PHGDH: variants seen among roughly 807,000 people sequenced by gnomAD.
The protein encoded by PHGDH is D-3-phosphoglycerate dehydrogenase.
Under a neutral mutation model 52.6 loss-of-function variants are expected in PHGDH, and 50 were observed. The ratio of observed to expected loss-of-function variants is 0.95; its 90% CI spans 0.76 to 1.20. The LOEUF (loss-of-function observed/expected upper bound fraction) is 1.20. Ranked by LOEUF, PHGDH falls within the 50% of genes most tolerant of loss-of-function variation. The pLI is 0.00. For missense variants in PHGDH, 630 were observed against 684.6 expected (o/e 0.92, Z 0.89); for synonymous variants, 271 against 280.5 (o/e 0.97, Z 0.34).
At chr1:119,740,883 G>A (rs1652173023) in intron 9 of PHGDH, among the ~76,000 whole-genome samples, 1 of 152,144 alleles carries the variant, frequency 6.6e-6, no homozygotes, top group South Asian at 2.1e-4. Context: ...TTTTGGCCCT[G>A]TCTCTTCCCT....
Position 119,743,902 on chromosome 1 carries a change from A to C in PHGDH, c.1464A>C (p.Ala488=). Reference sequence around the variant, plus strand: ...TATTTCCAGGCCTCCTGGCAGAGGCAGGCGTGCGGCTGCTGTCCTACCAGA... The same window carrying C: ...TATTTCCAGGCCTCCTGGCAGAGGCCGGCGTGCGGCTGCTGTCCTACCAGA... ...LPTMIGLLAE[A]GVRLLSYQTS... The change falls in exon 12 of 12, where the codon GCA becomes GCC. Residue 488 remains alanine (A), a synonymous_variant. Transcript: ENST00000641023. The C allele has an allele frequency of 2.5e-6, 4 of 1,613,920 alleles. No individual in the cohort carries two copies. Among genetic ancestry groups the C allele is most frequent in the Non-Finnish European group, 3.4e-6 (4 of 1,179,824 alleles).
At chr1:119,726,179 AGTGT>A (rs55671458) in intron 3 of PHGDH, among the ~76,000 whole-genome samples, 37,507 of 131,010 alleles carry the variant, frequency 0.29, 4,987 homozygotes, top group Middle Eastern at 0.33. Context: ...GGCTGTGAAG[AGTGT>A]GTGTGTGTGT....
intron 1 of PHGDH, among the ~76,000 whole-genome samples, chr1:119,718,935 G>C (rs749505670): frequency 4.3e-4 from 65 of 152,046 alleles, no homozygotes; most frequent in Non-Finnish European, 7.6e-4. Flanking sequence ...GGTGTAGGGA[G>C]AGTGACAGTT....
At chr1:119,742,640 A>G in intron 10 of PHGDH, 167 bp from the exon 11 acceptor site, 1 of 653,492 alleles carries the variant, frequency 1.5e-6, no homozygotes, top group Non-Finnish European at 2.8e-6. Flanking sequence ...CTGATGCCGA[A>G]GGGCACACAG....
At chr1:119,733,385 G>A (rs1651788680) in intron 5 of PHGDH, among the ~76,000 whole-genome samples, 2 of 150,090 alleles carry the variant, frequency 1.3e-5, no homozygotes, top group Non-Finnish European at 1.5e-5. Context: ...CTGTCACCCA[G>A]GCTGGAGTGC....
chr1:119,712,289 G>C, intron 1 of PHGDH, 129 bp downstream of exon 1: 1 of 803,228 alleles, frequency 1.2e-6, no homozygotes, highest in Non-Finnish European at 2.1e-6. Context: ...CCTGAGATTG[G>C]GGGGTAGAGA....
Position 119,711,964 on chromosome 1 carries a change from C to T in PHGDH, c.-59C>T. 1 of 1,600,634 alleles carries T rather than the reference C, an allele frequency of 6.2e-7. No homozygotes were observed. Among genetic ancestry groups the T allele is most frequent in the Non-Finnish European group, 8.6e-7 (1 of 1,169,368 alleles). On this transcript the variant is annotated 5_prime_UTR_variant, in exon 1 of 12. Coordinates refer to ENST00000641023, the MANE Select transcript of PHGDH (RefSeq NM_006623.4). ...TACTCTAGCGCGCCAGGCCGAACCGCAGCTTCTTGGCTTAGGTACTTCTAC... is the reference window on the plus strand; with the variant it reads ...TACTCTAGCGCGCCAGGCCGAACCGTAGCTTCTTGGCTTAGGTACTTCTAC...
intron 9 of PHGDH, among the ~76,000 whole-genome samples, chr1:119,740,857 G>C (rs1008411182): frequency 1.3e-5 from 2 of 152,170 alleles, no homozygotes; most frequent in African/African-American, 4.8e-5. Flanking sequence ...TAAGCAACAG[G>C]ATGCTGGATT....
At chr1:119,718,816 C>A (rs912508819) in intron 1 of PHGDH, among the ~76,000 whole-genome samples, 5 of 152,068 alleles carry the variant, frequency 3.3e-5, no homozygotes, top group Admixed American at 2.0e-4. Context: ...AATATAAAAT[C>A]CCTGCATTAG....
chr1:119,736,409 A>C (rs1191866241), intron 7 of PHGDH, among the ~76,000 whole-genome samples: 6 of 152,222 alleles, frequency 3.9e-5, no homozygotes, highest in Non-Finnish European at 8.8e-5. Context: ...ACATGGTTAC[A>C]TGTGGCCAGG....
chr1:119,736,985 G>C (rs1434012032), intron 7 of PHGDH, 129 bp from the exon 8 acceptor site: 2 of 841,532 alleles, frequency 2.4e-6, no homozygotes, highest in Non-Finnish European at 4.0e-6. Flanking sequence ...TGACCACCCT[G>C]ACAAAATAGA....
intron 5 of PHGDH, 132 bp from the exon 6 acceptor site, chr1:119,734,502 A>C: frequency 1.2e-6 from 1 of 862,088 alleles, no homozygotes; most frequent in South Asian, 1.3e-5. Context: ...TGGTAAATTA[A>C]CTGGAGAATT....
At chr1:119,740,134 T>G (rs911077050) in intron 8 of PHGDH, 4 of 507,028 alleles carry the variant, frequency 7.9e-6, no homozygotes, top group Non-Finnish European at 1.4e-5. Flanking sequence ...GCAGACACAG[T>G]TTGCTGAAAG....
Position 119,726,854 on chromosome 1 carries a change from G to T in PHGDH, c.360G>T (p.Gln120His), listed in dbSNP as rs774318185. 6.2e-7 allele frequency: 1 copy of T among 1,614,030 alleles called. No homozygotes were observed. The highest frequency in any genetic ancestry group is 8.5e-7 in the Non-Finnish European group (1 of 1,179,950). ...TCGMIMCLAR[Q>H]IPQATASMKD... ...GAACCTGTGTCTATCCTTGCAGGCAGATTCCCCAGGCGACGGCTTCGATGA... is the reference window on the plus strand; with the variant it reads ...GAACCTGTGTCTATCCTTGCAGGCATATTCCCCAGGCGACGGCTTCGATGA... The change falls in exon 4 of 12, where the codon CAG (glutamine) becomes CAT (histidine). Residue 120 changes from glutamine to histidine, a missense_variant. Transcript: ENST00000641023.
intron 2 of PHGDH, 142 bp downstream of exon 2, chr1:119,721,463 A>G (rs754281275): frequency 2.7e-6 from 2 of 753,386 alleles, no homozygotes; most frequent in South Asian, 1.8e-5. Flanking sequence ...TAGGGCCTGC[A>G]TGGTCAACAC....
chr1:119,727,115 TG>T lies in PHGDH; in HGVS notation c.510+15del. 1 of 1,486,060 alleles carries T rather than the reference TG, an allele frequency of 6.7e-7. No individual in the cohort carries two copies. Among genetic ancestry groups the T allele is most frequent in the Non-Finnish European group, 9.4e-7 (1 of 1,062,824 alleles). The allele number at this position is 1,486,060 out of a possible 1,614,324, so 92.1% of individuals were successfully genotyped here. A position where few individuals can be genotyped will look rare whatever the true frequency, so the allele number is the denominator to read the frequency against. The stretch of plus-strand genomic sequence containing the variant: ...CTTTGGGATGAAGGTAAGATGTTGC[TG>T]GAACCCTGTGATGTGGGACTTTCTG... On this transcript the variant is annotated intron_variant, in intron 5 of 11. Transcript: ENST00000641023.
Position 119,711,997 on chromosome 1 carries a change from G to C in PHGDH, c.-26G>C. 1 of 1,613,422 alleles carries C rather than the reference G, an allele frequency of 6.2e-7. No homozygotes were observed. Among genetic ancestry groups the C allele is most frequent in the Non-Finnish European group, 8.5e-7 (1 of 1,179,860 alleles). On this transcript the variant is annotated 5_prime_UTR_variant, in exon 1 of 12. Coordinates refer to ENST00000641023, the MANE Select transcript of PHGDH (RefSeq NM_006623.4). Reference sequence around the variant, plus strand: ...TGGCTTAGGTACTTCTACTCACAGCGGCCGATTCCGAGGCCAACTCCAGCA... The same window carrying C: ...TGGCTTAGGTACTTCTACTCACAGCCGCCGATTCCGAGGCCAACTCCAGCA...
In PHGDH at chr1:119,740,528, G is replaced by T. The variant is rs374994783; in HGVS notation, c.1078+10G>T. The T allele has an allele frequency of 9.1e-5, 142 of 1,558,942 alleles. 1 individual carries two copies. The South Asian group carries it at 1.6e-3, about 18-fold the overall frequency. On this transcript the variant is annotated intron_variant, in intron 9 of 11. Coordinates refer to ENST00000641023, the MANE Select transcript of PHGDH (RefSeq NM_006623.4). Reference sequence around the variant, plus strand: ...CAGGTGATAACACAGGGTGAGCTGGGGACCTTGCAGAGGGAGGGGGAGGAG... The same window carrying T: ...CAGGTGATAACACAGGGTGAGCTGGTGACCTTGCAGAGGGAGGGGGAGGAG...
intron 1 of PHGDH, 57 bp downstream of exon 1, chr1:119,712,217 G>C: frequency 6.4e-7 from 1 of 1,550,794 alleles, no homozygotes; most frequent in Non-Finnish European, 8.8e-7. Context: ...GAAAAAGGCT[G>C]GCTGCGCCCA....
Sources: gnomAD v4.1 joint callset for allele counts (sites outside exome capture counted in the v4.1 genomes callset) on GRCh38, gnomAD v4.1.1 for gene constraint, MANE v1.5 for transcripts, NCBI Gene and HGNC (gene_info 2026-07-23, HGNC 2026-07-21) for gene names.